Variants in CHST15 observed in about 807,000 individuals in gnomAD.
CHST15 encodes B cell RAG associated protein (GALNAC4S-6ST).
CHST15 carries 30 observed loss-of-function variants against 53.6 expected under a neutral mutation model. That is an observed-to-expected ratio of 0.56 (90% confidence interval 0.42 to 0.76). CHST15 has a LOEUF of 0.76. CHST15 is among the 30% of genes least tolerant of loss of function. CHST15 has a pLI of 0.00. For synonymous variants in CHST15, 296 were observed against 289.8 expected (o/e 1.02, Z -0.22); for missense variants, 627 against 740.5 (o/e 0.85, Z 1.78).
chr10:124,046,370 C>T lies in CHST15; in HGVS notation c.-158G>A. 2 of 656,748 alleles carry T rather than the reference C, an allele frequency of 3.0e-6. No homozygotes were observed. Among genetic ancestry groups the T allele is most frequent in the Non-Finnish European group, 2.5e-6 (1 of 396,540 alleles). The allele number at this position is 656,748 out of a possible 1,614,324, so 40.7% of individuals were successfully genotyped here. A position where few individuals can be genotyped will look rare whatever the true frequency, so the allele number is the denominator to read the frequency against. The stretch of plus-strand genomic sequence containing the variant: ...ATACAAAAATAAGCAGACACCACAG[C>T]ACTAGAGAAAGAGGGTGCACATTCT... On this transcript the variant is annotated 5_prime_UTR_variant, in exon 2 of 8. Transcript: ENST00000435907.
At chr10:124,059,113 T>C (rs1948475978) in intron 1 of CHST15, among the ~76,000 whole-genome samples, 1 of 152,210 alleles carries the variant, frequency 6.6e-6, no homozygotes, top group African/African-American at 2.4e-5. Context: ...ACCAGCCACA[T>C]GACAGTAGGC....
chr10:124,010,216 T>C lies in CHST15; in HGVS notation c.1619A>G (p.Tyr540Cys), dbSNP rs749717029. ...PITQKILRDF[Y>C]RPFNARLAQV... ...CGCCAGCCTAGCGTTGAAGGGCCTG[T>C]AGAAATCCCGCAGAATCTTCTGTGT... The change falls in exon 8 of 8, where the codon TAC becomes TGC. Residue 540 changes from tyrosine to cysteine, a missense_variant. Around this residue, in one of 3 missense-constraint regions of CHST15, gnomAD observed 279 missense variants for 371.6 expected, o/e 0.75. Coordinates refer to ENST00000435907, the MANE Select transcript of CHST15 (RefSeq NM_001270764.2). 5 of 1,613,962 alleles carry C rather than the reference T, an allele frequency of 3.1e-6. No individual in the cohort carries two copies. The highest frequency in any genetic ancestry group is 8.5e-7 in the Non-Finnish European group (1 of 1,180,052).
intron 1 of CHST15, among the ~76,000 whole-genome samples, chr10:124,051,279 T>C (rs1040627556): frequency 6.6e-6 from 1 of 152,090 alleles, no homozygotes; most frequent in African/African-American, 2.4e-5. Flanking sequence ...TAAATATACA[T>C]AGTAAAATAT....
Position 124,074,943 on chromosome 10 carries a change from T to G in CHST15, c.-513+18526A>C, listed in dbSNP as rs1949025158. Among the ~76,000 whole-genome samples the G allele has an allele frequency of 6.6e-6, 1 of 152,206 alleles. No homozygotes were observed. ...CAGCCCCCGCGGAGTTAATGATGTT[T>G]TGCAGGGAGGACTGTTTCAGCACAT... On this transcript the variant is annotated intron_variant, in intron 1 of 7. Transcript: ENST00000435907. This position sits in a 1 kb window ranked among gnomAD's most constrained non-coding sequence, Gnocchi z 4.4.
chr10:124,008,901 ATCGGTAAAC>A lies in CHST15; in HGVS notation c.*1239_*1247del. The A allele has an allele frequency of 2.3e-6, 3 of 1,287,364 alleles. No individual in the cohort carries two copies. Among genetic ancestry groups the A allele is most frequent in the Non-Finnish European group, 3.0e-6 (3 of 987,116 alleles). The allele number at this position is 1,287,364 out of a possible 1,614,324, so 79.7% of individuals were successfully genotyped here. A position where few individuals can be genotyped will look rare whatever the true frequency, so the allele number is the denominator to read the frequency against. ...AAACGACAAGATCTCTAGCCCATCC[ATCGGTAAAC>A]CAAGCTGCCAAGTGGCCTGGAAAAT... On this transcript the variant is annotated 3_prime_UTR_variant, in exon 8 of 8. Coordinates refer to ENST00000435907, the MANE Select transcript of CHST15 (RefSeq NM_001270764.2).
In CHST15 at chr10:124,044,816, G is replaced by C. The variant is rs1455177427; in HGVS notation, c.650C>G (p.Ser217Cys). The C allele has an allele frequency of 1.9e-6, 3 of 1,589,564 alleles. No individual in the cohort carries two copies. Among genetic ancestry groups the C allele is most frequent in the Non-Finnish European group, 2.6e-6 (3 of 1,165,436 alleles). Residue 217 changes from serine (S) to cysteine (C), a missense_variant, in exon 3 of 8, where the codon TCC (serine) becomes TGC (cysteine). Physicochemically the swap from Ser to Cys is moderately radical, Grantham distance 112. Coordinates refer to ENST00000435907, the MANE Select transcript of CHST15 (RefSeq NM_001270764.2). ...QNTTDPYLTNSYVLYSKRFRS... is the reference protein window; with the variant it reads ...QNTTDPYLTNCYVLYSKRFRS... The stretch of plus-strand genomic sequence containing the variant: ...GAAGCGCTTGGAGTAGAGCACGTAG[G>C]AGTTGGTGAGGTAGGGGTCGGTGGT...
At chr10:124,070,670 C>T (rs578209267) in intron 1 of CHST15, among the ~76,000 whole-genome samples, 2 of 152,260 alleles carry the variant, frequency 1.3e-5, no homozygotes, top group Admixed American at 6.5e-5. Flanking sequence ...CCATTGTGCC[C>T]GGCCCTCAAT....
At chr10:124,040,555 G>A (rs1028724681) in intron 4 of CHST15, among the ~76,000 whole-genome samples, 1 of 152,190 alleles carries the variant, frequency 6.6e-6, no homozygotes, top group African/African-American at 2.4e-5. Flanking sequence ...TGACCTAGGG[G>A]CCCAAGATGA....
chr10:124,012,240 A>C, intron 7 of CHST15, 93 bp downstream of exon 7: 1 of 1,450,798 alleles, frequency 6.9e-7, no homozygotes, highest in Non-Finnish European at 9.4e-7. Context: ...ATTCCCACCC[A>C]GCTGACCAGG....
At chr10:124,077,067 G>A (rs1949098791) in intron 1 of CHST15, among the ~76,000 whole-genome samples, 1 of 152,206 alleles carries the variant, frequency 6.6e-6, no homozygotes, top group Non-Finnish European at 1.5e-5. Flanking sequence ...AAATTATATA[G>A]ATGGATCTGG....
chr10:124,017,053 C>A (rs189300300), intron 6 of CHST15, among the ~76,000 whole-genome samples: 1 of 152,086 alleles, frequency 6.6e-6, no homozygotes, highest in Non-Finnish European at 1.5e-5. Context: ...GGATGGGAGT[C>A]GGCACACTCT....
Position 124,024,983 on chromosome 10 carries a change from C to T in CHST15, c.1191-3571G>A, listed in dbSNP as rs1276234275. ...GCCCAGTTTTTACCAAAGATGCCCA[C>T]AGAACTACCCAAATTGTTTGGTGGA... On this transcript the variant is annotated intron_variant, in intron 5 of 7. Coordinates refer to ENST00000435907, the MANE Select transcript of CHST15 (RefSeq NM_001270764.2). The surrounding 1 kb of genome is among the most constrained non-coding windows in gnomAD (Gnocchi z 4.0). Among the ~76,000 whole-genome samples, 1 of 152,196 alleles carries T rather than the reference C, an allele frequency of 6.6e-6. No homozygotes were observed. Among genetic ancestry groups the T allele is most frequent in the Non-Finnish European group, 1.5e-5 (1 of 68,038 alleles).
At chr10:124,078,499 C>A (rs1949145027) in intron 1 of CHST15, among the ~76,000 whole-genome samples, 1 of 152,220 alleles carries the variant, frequency 6.6e-6, no homozygotes, top group African/African-American at 2.4e-5. Flanking sequence ...GTCCTATAAA[C>A]CAAACTACTG....
At chr10:124,043,173 AAGTAAC>A (rs1947805102) in intron 3 of CHST15, among the ~76,000 whole-genome samples, 1 of 152,196 alleles carries the variant, frequency 6.6e-6, no homozygotes, top group Non-Finnish European at 1.5e-5. Context: ...TCCGTGGCCA[AAGTAAC>A]AAGAGGTTCA....
intron 1 of CHST15, among the ~76,000 whole-genome samples, chr10:124,071,559 T>C (rs967685230): frequency 6.6e-6 from 1 of 152,250 alleles, no homozygotes; most frequent in Non-Finnish European, 1.5e-5. Flanking sequence ...TCAACTCGAA[T>C]AGACGCAAAA....
Position 124,042,451 on chromosome 10 carries a change from T to A in CHST15, c.887-4A>T. On this transcript the variant is annotated splice_polypyrimidine_tract_variant and splice_region_variant and intron_variant, in intron 3 of 7. Coordinates refer to ENST00000435907, the MANE Select transcript of CHST15 (RefSeq NM_001270764.2). ...CCATCTCTTAGGCGGACGATTCCTA[T>A]GAGAACCAAGAAGCAGGAGATACTG... 1.9e-6 allele frequency: 3 copies of A among 1,613,656 alleles called. No homozygotes were observed. Among genetic ancestry groups the A allele is most frequent in the Non-Finnish European group, 2.5e-6 (3 of 1,179,660 alleles).
Position 124,042,447 on chromosome 10 carries a change from C to T in CHST15, c.887G>A (p.Gly296Glu). 1 of 1,613,664 alleles carries T rather than the reference C, an allele frequency of 6.2e-7. No homozygotes were observed. Among genetic ancestry groups the T allele is most frequent in the Non-Finnish European group, 8.5e-7 (1 of 1,179,622 alleles). ...CAGCCCATCTCTTAGGCGGACGATT[C>T]CTATGAGAACCAAGAAGCAGGAGAT... ...EPHWWTRKRF[G>E]IVRLRDGLRD... Residue 296 changes from glycine to glutamate, a missense_variant and splice_region_variant, in exon 4 of 8, where the codon GGA (glycine) becomes GAA (glutamate). Physicochemically the swap from Gly to Glu is moderately conservative, Grantham distance 98 (BLOSUM62 -2). This residue lies in a region of CHST15 where 279 missense variants were observed against 371.6 expected (regional missense o/e 0.75). Coordinates refer to ENST00000435907, the MANE Select transcript of CHST15 (RefSeq NM_001270764.2).
intron 1 of CHST15, among the ~76,000 whole-genome samples, chr10:124,085,688 G>GA: frequency 1.3e-5 from 2 of 152,342 alleles, no homozygotes; most frequent in African/African-American, 2.4e-5. Context: ...CTGCACCCAG[G>GA]AAACTGGAGC....
intron 1 of CHST15, among the ~76,000 whole-genome samples, chr10:124,092,958 C>T (rs997707620): frequency 2.6e-5 from 4 of 152,340 alleles, no homozygotes; most frequent in Admixed American, 2.6e-4. Flanking sequence ...GCGGCTTGCG[C>T]CCCCCGCCGG....
Sources: gnomAD v4.1 joint callset for allele counts (sites outside exome capture counted in the v4.1 genomes callset) on GRCh38, gnomAD v4.1.1 for gene constraint, gnomAD v4.1.1 regional missense constraint, Gnocchi (gnomAD v3.1) non-coding constraint, MANE v1.5 for transcripts, NCBI Gene and HGNC (gene_info 2026-07-23, HGNC 2026-07-21) for gene names.